Variants in DDA1 observed in about 807,000 individuals in gnomAD.
DDA1 encodes DET1 and DDB1 associated 1.
A neutral mutation model predicts 18.6 loss-of-function variants in DDA1; 3 were observed. The observed-to-expected ratio is 0.16, with a 90% CI of 0.07 to 0.42. The LOEUF is 0.42. Ranked by LOEUF, DDA1 falls within the 10% of genes least tolerant of loss-of-function variation. The pLI, the probability that DDA1 is intolerant of heterozygous loss-of-function variation, is 0.99. For synonymous variants in DDA1, 52 were observed against 54.0 expected, an observed-to-expected ratio of 0.96 and a Z score of 0.17; for missense variants, 105 against 138.2, an observed-to-expected ratio of 0.76 and a Z score of 1.20.
intron 3 of DDA1, among the ~76,000 whole-genome samples, chr19:17,315,255 G>A (rs1184177386): frequency 1.6e-5 from 1 of 63,336 alleles, no homozygotes; most frequent in Non-Finnish European, 3.3e-5. Context: ...ATACACACAC[G>A]TGTATATACA....
chr19:17,320,096 C>G lies in DDA1; in HGVS notation c.*440C>G, dbSNP rs188312371. On this transcript the variant is annotated 3_prime_UTR_variant, in exon 5 of 5. Coordinates refer to ENST00000359866, the MANE Select transcript of DDA1 (RefSeq NM_024050.6). ...AGGACAGCCGAGTGGCCTTCTCCCC[C>G]CCAACACCGGTCCAGGCCATTGAGA... The G allele has an allele frequency of 7.4e-4, 120 of 161,234 alleles. No individual in the cohort carries two copies. The highest frequency in any genetic ancestry group is 2.6e-3 in the African/African-American group (110 of 41,724). The allele number at this position is 161,234 out of a possible 1,614,324, so 10.0% of individuals were successfully genotyped here. A position where few individuals can be genotyped will look rare whatever the true frequency, so the allele number is the denominator to read the frequency against.
At position 17,319,801 on chromosome 19, in the gene DDA1, G is replaced by A; in HGVS notation, c.*145G>A. 1 of 627,186 alleles carries A rather than the reference G, an allele frequency of 1.6e-6. No homozygotes were observed. The highest frequency in any genetic ancestry group is 2.8e-5 in the East Asian group (1 of 35,944). 38.9% of individuals were successfully genotyped at this position (627,186 alleles called of 1,614,324 possible). ...CCACACCACTTCCAACCTCATAGGA[G>A]CCGATGTATTTATTTTCCTTGAGTT... On this transcript the variant is annotated 3_prime_UTR_variant, in exon 5 of 5. Transcript: ENST00000359866.
chr19:17,315,817 A>T (rs1179919880), intron 3 of DDA1, 117 bp from the exon 4 acceptor site: 2 of 931,908 alleles, frequency 2.1e-6, no homozygotes, highest in Non-Finnish European at 3.5e-6. Flanking sequence ...GGACTTTTGG[A>T]GATCTCTGGA....
At chr19:17,317,872 G>A (rs921567391) in intron 4 of DDA1, among the ~76,000 whole-genome samples, 5 of 152,120 alleles carry the variant, frequency 3.3e-5, no homozygotes, top group African/African-American at 7.2e-5. Flanking sequence ...TAGTTGCAGC[G>A]AAGAGTCATC....
intron 4 of DDA1, among the ~76,000 whole-genome samples, chr19:17,317,218 A>C (rs1439114757): frequency 1.3e-5 from 2 of 150,074 alleles, no homozygotes; most frequent in African/African-American, 2.5e-5. Context: ...TCAAGAAAAA[A>C]AGAAATCTAT....
chr19:17,312,914 G>A (rs1459962932), intron 1 of DDA1, among the ~76,000 whole-genome samples: 5 of 149,916 alleles, frequency 3.3e-5, no homozygotes, highest in Non-Finnish European at 5.9e-5. Context: ...TGTGACGGCT[G>A]CCTCCCGGGT....
chr19:17,315,932 A>G lies in DDA1; in HGVS notation c.137-2A>G. ...GCGACTTTCTCTATCTTTCCTCCTTAGTCATCGTGACAGAAAAGACAAACA... is the reference window on the plus strand; with the variant it reads ...GCGACTTTCTCTATCTTTCCTCCTTGGTCATCGTGACAGAAAAGACAAACA... On this transcript the variant is annotated splice_acceptor_variant, in intron 3 of 4. Transcript: ENST00000359866. LOFTEE classifies it high-confidence loss of function. 1 of 1,614,064 alleles carries G rather than the reference A, an allele frequency of 6.2e-7. No homozygotes were observed. Among genetic ancestry groups the G allele is most frequent in the South Asian group, 1.1e-5 (1 of 91,076 alleles).
At position 17,319,744 on chromosome 19, in the gene DDA1, C is replaced by G. The variant is rs1002159995; in HGVS notation, c.*88C>G. On this transcript the variant is annotated 3_prime_UTR_variant, in exon 5 of 5. Coordinates refer to ENST00000359866, the MANE Select transcript of DDA1 (RefSeq NM_024050.6). ...GCCATGTGTAAGCACCCCGCCCGCC[C>G]GCCTCCCTGCCGGCCCATCCACACC... The G allele has an allele frequency of 5.0e-6, 6 of 1,189,174 alleles. No individual in the cohort carries two copies. The highest frequency in any genetic ancestry group is 7.2e-6 in the Non-Finnish European group (6 of 836,340). 73.7% of individuals were successfully genotyped at this position (1,189,174 alleles called of 1,614,324 possible). A position where few individuals can be genotyped will look rare whatever the true frequency, so the allele number is the denominator to read the frequency against.
chr19:17,315,216 C>T lies in DDA1; in HGVS notation c.137-718C>T, dbSNP rs28459933. On this transcript the variant is annotated intron_variant, in intron 3 of 4. Coordinates refer to ENST00000359866, the MANE Select transcript of DDA1 (RefSeq NM_024050.6). ...ACACGTGTATACACACGTGTATATACACACACGTGTATACACACACACGTG... is the reference window on the plus strand; with the variant it reads ...ACACGTGTATACACACGTGTATATATACACACGTGTATACACACACACGTG... 1.1e-3 allele frequency among the ~76,000 whole-genome samples: 17 copies of T among 14,812 alleles called. 1 individual carries two copies. Among genetic ancestry groups the T allele is most frequent in the Non-Finnish European group, 3.0e-3 (13 of 4,314 alleles). The allele number at this position is 14,812 out of a possible 152,430, so 9.7% of individuals were successfully genotyped here.
chr19:17,309,964 C>CA (rs2074171520), intron 1 of DDA1, among the ~76,000 whole-genome samples: 2 of 152,080 alleles, frequency 1.3e-5, no homozygotes, highest in Non-Finnish European at 2.9e-5. Context: ...CCCGTAAGAC[C>CA]CCCTGGTCTG....
At chr19:17,311,728 CTT>C (rs2074179868) in intron 1 of DDA1, among the ~76,000 whole-genome samples, 1 of 152,248 alleles carries the variant, frequency 6.6e-6, no homozygotes, top group Non-Finnish European at 1.5e-5. Context: ...TCATTCCTGA[CTT>C]TGGGGGGCCC....
At chr19:17,312,453 G>A (rs2074183675) in intron 1 of DDA1, among the ~76,000 whole-genome samples, 1 of 152,076 alleles carries the variant, frequency 6.6e-6, no homozygotes, top group Admixed American at 6.5e-5. Flanking sequence ...GGAGGCATGA[G>A]GGGCATTCCT....
Position 17,315,197 on chromosome 19 carries a change from G to GTA in DDA1, c.137-734_137-733dup, listed in dbSNP as rs199906122. Reference sequence around the variant, plus strand: ...TACACACACGTGTATACACACACGTGTATACACACGTGTATATACACACAC... The same window carrying GTA: ...TACACACACGTGTATACACACACGTGTATATACACACGTGTATATACACACAC... On this transcript the variant is annotated intron_variant, in intron 3 of 4. Coordinates refer to ENST00000359866, the MANE Select transcript of DDA1 (RefSeq NM_024050.6). Among the ~76,000 whole-genome samples, 7 of 16,874 alleles carry GTA rather than the reference G, an allele frequency of 4.1e-4. 1 individual carries two copies. Among genetic ancestry groups the GTA allele is most frequent in the African/African-American group, 2.1e-3 (3 of 1,448 alleles). 11.1% of individuals were successfully genotyped at this position (16,874 alleles called of 152,430 possible).
At position 17,315,350 on chromosome 19, in the gene DDA1, C is replaced by CTA. The variant is rs1429083049; in HGVS notation, c.137-575_137-574dup. On this transcript the variant is annotated intron_variant, in intron 3 of 4. Coordinates refer to ENST00000359866, the MANE Select transcript of DDA1 (RefSeq NM_024050.6). ...ATATACACACGTATATATATACACG[C>CTA]TATATATATACGCTATATATATACA... Among the ~76,000 whole-genome samples the CTA allele has an allele frequency of 7.1e-4, 40 of 56,468 alleles. 10 individuals carry two copies. The highest frequency in any genetic ancestry group is 5.3e-3 in the Admixed American group (34 of 6,356). 37.0% of individuals were successfully genotyped at this position (56,468 alleles called of 152,430 possible).
rs566331307 is a variant in DDA1, at chr19:17,318,820, C to G, written c.199-726C>G. Among the ~76,000 whole-genome samples the G allele has an allele frequency of 3.3e-5, 5 of 151,886 alleles. No individual in the cohort carries two copies. The East Asian group carries it at 7.7e-4, about 23-fold the overall frequency. ...AGCTGGGATTACAGGCATGAGCCAC[C>G]GCGCCTGGCAAGTTTGTTTTTTTTT... On this transcript the variant is annotated intron_variant, in intron 4 of 4. Coordinates refer to ENST00000359866, the MANE Select transcript of DDA1 (RefSeq NM_024050.6).
chr19:17,319,638 C>T lies in DDA1; in HGVS notation c.291C>T (p.Asp97=), dbSNP rs1034902660. 1.5e-5 allele frequency: 23 copies of T among 1,572,838 alleles called. No individual in the cohort carries two copies. The African/African-American group carries it at 1.9e-4, about 13-fold the overall frequency. Residue 97 remains aspartate, a synonymous_variant, in exon 5 of 5, where the codon GAC becomes GAT. Coordinates refer to ENST00000359866, the MANE Select transcript of DDA1 (RefSeq NM_024050.6). ...PRKVARTDSP[D]MHEDT is the part of the protein sequence containing the mutation. ...AGGTGGCGCGGACCGACAGCCCAGA[C>T]ATGCACGAGGACACTTAAGACTCTC...
chr19:17,311,983 C>G (rs997075173), intron 1 of DDA1, among the ~76,000 whole-genome samples: 7 of 152,172 alleles, frequency 4.6e-5, no homozygotes, highest in Non-Finnish European at 1.0e-4. Context: ...TGCCTTCATT[C>G]ATTTGTCCAA....
chr19:17,310,093 A>G lies in DDA1; in HGVS notation c.3+436A>G, dbSNP rs2074172177. ...CCGCGATATGCAGGGCTTTGTCGCC[A>G]AAGGAAGTGCGACATCGCCGATTGT... is the stretch of plus-strand genomic sequence containing the variant. On this transcript the variant is annotated intron_variant, in intron 1 of 4. Transcript: ENST00000359866. 3 of 182,436 alleles carry G rather than the reference A, an allele frequency of 1.6e-5. No individual in the cohort carries two copies. The East Asian group carries it at 4.1e-4, about 25-fold the overall frequency. The allele number at this position is 182,436 out of a possible 1,614,324, so 11.3% of individuals were successfully genotyped here. A position where few individuals can be genotyped will look rare whatever the true frequency, so the allele number is the denominator to read the frequency against.
At chr19:17,310,856 C>T (rs1437553722) in intron 1 of DDA1, among the ~76,000 whole-genome samples, 1 of 152,228 alleles carries the variant, frequency 6.6e-6, no homozygotes, top group Non-Finnish European at 1.5e-5. Context: ...GGTACTGCCA[C>T]TTCCCACCTG....
Sources: allele counts gnomAD v4.1 joint callset (sites outside exome capture counted in the v4.1 genomes callset), GRCh38; gene constraint gnomAD v4.1.1; transcripts MANE v1.5; gene names NCBI Gene and HGNC (gene_info 2026-07-23, HGNC 2026-07-21).